Variants in SIPA1L2 observed in about 807,000 individuals in gnomAD.
SIPA1L2 encodes signal induced proliferation associated 1 like 2.
Under a neutral mutation model 163.9 loss-of-function variants are expected in SIPA1L2, and 56 were observed. That is an observed-to-expected ratio of 0.34 (90% CI 0.28 to 0.43). The LOEUF is 0.43. SIPA1L2 is among the 20% of genes least tolerant of loss of function. SIPA1L2 has a pLI of 1.00. For synonymous variants in SIPA1L2, 877 were observed against 865.7 expected (o/e 1.01, Z -0.23); for missense variants, 1,974 against 2,193.5 (o/e 0.90, Z 2.00).
intron 5 of SIPA1L2, among the ~76,000 whole-genome samples, chr1:232,487,477 T>C: frequency 6.6e-6 from 1 of 152,178 alleles, no homozygotes; most frequent in East Asian, 1.9e-4. Context: ...AATGGGGCAG[T>C]TGGCCTTAAG....
intron 2 of SIPA1L2, among the ~76,000 whole-genome samples, chr1:232,573,586 T>C (rs1263101378): frequency 6.6e-6 from 1 of 152,208 alleles, no homozygotes; most frequent in Non-Finnish European, 1.5e-5. Flanking sequence ...TCTTATTTCC[T>C]GCTGCTACAG....
intron 22 of SIPA1L2, among the ~76,000 whole-genome samples, chr1:232,400,862 C>T (rs1478027820): frequency 6.6e-6 from 1 of 152,142 alleles, no homozygotes; most frequent in Non-Finnish European, 1.5e-5. Context: ...ATGACTGCAC[C>T]TCTTCCTAAA....
intron 19 of SIPA1L2, among the ~76,000 whole-genome samples, chr1:232,413,252 A>G (rs930955439): frequency 3.3e-5 from 5 of 152,242 alleles, no homozygotes; most frequent in African/African-American, 1.2e-4. Context: ...TATTTGTAAA[A>G]GACCTAGAAG....
intron 2 of SIPA1L2, among the ~76,000 whole-genome samples, chr1:232,565,417 A>G (rs1659343351): frequency 6.6e-6 from 1 of 152,242 alleles, no homozygotes; most frequent in Non-Finnish European, 1.5e-5. Context: ...CCTTCAGGCC[A>G]AAGTGCCTGC....
At chr1:232,506,748 T>G (rs1037394465) in intron 3 of SIPA1L2, among the ~76,000 whole-genome samples, 1 of 152,246 alleles carries the variant, frequency 6.6e-6, no homozygotes, top group Admixed American at 6.5e-5. Context: ...TGAAGTTGGC[T>G]GCTTACAAGA....
chr1:232,517,904 C>T (rs1034556145), intron 2 of SIPA1L2, among the ~76,000 whole-genome samples: 4 of 151,678 alleles, frequency 2.6e-5, no homozygotes, highest in Non-Finnish European at 5.9e-5. Context: ...TTAATTAGCC[C>T]GGCGTGGCGG....
rs750233336 is a variant in SIPA1L2 at position 232,515,354 on chromosome 1, A to C, written c.-15T>G. On this transcript the variant is annotated 5_prime_UTR_variant, in exon 3 of 23. Coordinates refer to ENST00000674635, the MANE Select transcript of SIPA1L2 (RefSeq NM_020808.5). The stretch of plus-strand genomic sequence containing the variant: ...GGGTCACTCATGTCTACCGAGGAAG[A>C]GCCTCCAAGTCTCACCAGGAAGACT... 2.1e-5 allele frequency: 33 copies of C among 1,561,490 alleles called. No homozygotes were observed. The highest frequency in any genetic ancestry group is 2.8e-5 in the Non-Finnish European group (32 of 1,154,514).
At position 232,432,228 on chromosome 1, in the gene SIPA1L2, G is replaced by A. The variant is rs1662283324; in HGVS notation, c.4256+19C>T. On this transcript the variant is annotated intron_variant, in intron 16 of 22. Transcript: ENST00000674635. ...ACAGTGAAAAATGCTGACCAGAGAA[G>A]AACAGCCAGCCACCTTACCCGGGAC... The A allele has an allele frequency of 6.2e-7, 1 of 1,606,352 alleles. No individual in the cohort carries two copies. The highest frequency in any genetic ancestry group is 1.1e-5 in the South Asian group (1 of 90,386).
chr1:232,464,886 A>G lies in SIPA1L2; in HGVS notation c.2774T>C (p.Val925Ala), dbSNP rs780348383. ...ERGECVLLSS[V>A]DNCAEDIREI... ...CCTGATGTCTTCAGCACAGTTGTCT[A>G]CCGAGGACAGGAGGACACATTCTCC... Residue 925 changes from valine (V) to alanine (A), a missense_variant, in exon 9 of 23, where the codon GTA (valine) becomes GCA (alanine). Coordinates refer to ENST00000674635, the MANE Select transcript of SIPA1L2 (RefSeq NM_020808.5). 8.1e-6 allele frequency: 13 copies of G among 1,613,688 alleles called. No individual in the cohort carries two copies. The South Asian group carries it at 1.4e-4, about 18-fold the overall frequency.
At chr1:232,553,784 A>G (rs1475957030) in intron 2 of SIPA1L2, among the ~76,000 whole-genome samples, 1 of 152,234 alleles carries the variant, frequency 6.6e-6, no homozygotes, top group East Asian at 1.9e-4. Flanking sequence ...GTGAATATTT[A>G]TCTCCATTAT....
chr1:232,557,973 C>T (rs981822898), intron 2 of SIPA1L2, among the ~76,000 whole-genome samples: 4 of 152,202 alleles, frequency 2.6e-5, no homozygotes, highest in Non-Finnish European at 4.4e-5. Context: ...CATTATTCCA[C>T]ATCACCAAAG....
intron 1 of SIPA1L2, among the ~76,000 whole-genome samples, chr1:232,616,358 C>G (rs1429499750): frequency 6.6e-6 from 1 of 152,134 alleles, no homozygotes; most frequent in Non-Finnish European, 1.5e-5. Context: ...CAGGGATAAC[C>G]AGCTACACGA....
intron 11 of SIPA1L2, 123 bp downstream of exon 11, chr1:232,445,406 G>T: frequency 7.0e-7 from 1 of 1,423,566 alleles, no homozygotes; most frequent in Non-Finnish European, 9.5e-7. Context: ...TTGCTACCCT[G>T]CTTGCCAACT....
intron 2 of SIPA1L2, among the ~76,000 whole-genome samples, chr1:232,562,857 T>C (rs1242577402): frequency 6.6e-6 from 1 of 152,186 alleles, no homozygotes; most frequent in African/African-American, 2.4e-5. Context: ...ACTGTGCACA[T>C]TCTAGCACAT....
chr1:232,460,692 A>G (rs1160653065), intron 10 of SIPA1L2, among the ~76,000 whole-genome samples, 195 bp downstream of exon 10: 1 of 152,366 alleles, frequency 6.6e-6, no homozygotes, highest in African/African-American at 2.4e-5. Flanking sequence ...CATCTATTAC[A>G]TATTTTAAAG....
intron 1 of SIPA1L2, among the ~76,000 whole-genome samples, chr1:232,579,623 T>C (rs1660266278): frequency 6.6e-6 from 1 of 152,236 alleles, no homozygotes; most frequent in African/African-American, 2.4e-5. Context: ...TGGTTCTCTA[T>C]TTTTGACCTA....
chr1:232,407,046 C>T (rs1660679880), intron 19 of SIPA1L2, among the ~76,000 whole-genome samples: 1 of 152,202 alleles, frequency 6.6e-6, no homozygotes, highest in African/African-American at 2.4e-5. Context: ...CTAAAATTCT[C>T]TGGTTTAGAC....
chr1:232,431,729 G>A (rs1003387257), intron 16 of SIPA1L2, among the ~76,000 whole-genome samples: 5 of 152,200 alleles, frequency 3.3e-5, no homozygotes, highest in Non-Finnish European at 5.9e-5. Context: ...TGTAAGATGG[G>A]TTATCAGTAT....
intron 3 of SIPA1L2, among the ~76,000 whole-genome samples, chr1:232,512,444 A>G (rs1016382447): frequency 2.0e-5 from 3 of 152,212 alleles, no homozygotes; most frequent in Non-Finnish European, 4.4e-5. Context: ...AGCACTATTT[A>G]CAATACCAAA....
Sources: allele counts gnomAD v4.1 joint callset (sites outside exome capture counted in the v4.1 genomes callset), GRCh38; gene constraint gnomAD v4.1.1; transcripts MANE v1.5; gene names NCBI Gene and HGNC (gene_info 2026-07-23, HGNC 2026-07-21).